Variants in INTS15 observed in about 807,000 individuals in gnomAD.
INTS15 encodes uncharacterized protein C7orf26.
the INTS15 span, among the ~76,000 whole-genome samples, chr7:6,590,928 T>A: frequency 1.7e-3 from 251 of 151,686 alleles, 2 homozygotes; most frequent in African/African-American, 5.8e-3. Flanking sequence ...AACCTTGAAC[T>A]CCTGGGCTCA....
At chr7:6,598,958 T>C in the INTS15 span, among the ~76,000 whole-genome samples, 1 of 151,986 alleles carries the variant, frequency 6.6e-6, no homozygotes, top group Non-Finnish European at 1.5e-5. Flanking sequence ...GGCTAACTTT[T>C]AAGAATTTTT....
At chr7:6,602,129 G>A in the INTS15 span, 1 of 1,613,098 alleles carries the variant, frequency 6.2e-7, no homozygotes, top group Admixed American at 1.7e-5. Context: ...GCTCCAGGCT[G>A]CCCCATAATA....
chr7:6,592,060 A>G, the INTS15 span, among the ~76,000 whole-genome samples: 1 of 152,080 alleles, frequency 6.6e-6, no homozygotes, highest in South Asian at 2.1e-4. Flanking sequence ...AACCCCAGCT[A>G]CTCAGGAGGC....
At chr7:6,608,689 T>G in the INTS15 span, 1 of 207,346 alleles carries the variant, frequency 4.8e-6, no homozygotes, top group African/African-American at 2.4e-5. Flanking sequence ...TGTCTAAATT[T>G]CCTTTCATAT....
the INTS15 span, among the ~76,000 whole-genome samples, chr7:6,598,735 T>TTGTGTGTGTG: frequency 0.04 from 3,322 of 83,512 alleles, 187 homozygotes; most frequent in African/African-American, 0.05. Flanking sequence ...GCTGTATGCT[T>TTGTGTGTGTG]TGTGTGTGTG....
chr7:6,590,984 G>C, the INTS15 span, among the ~76,000 whole-genome samples: 1 of 151,614 alleles, frequency 6.6e-6, no homozygotes, highest in Non-Finnish European at 1.5e-5. Context: ...GACTCCAGGC[G>C]TGCACCACCA....
the INTS15 span, among the ~76,000 whole-genome samples, chr7:6,600,681 G>A: frequency 6.6e-6 from 1 of 151,748 alleles, no homozygotes; most frequent in African/African-American, 2.4e-5. Flanking sequence ...TTATTGCGAC[G>A]GAGTCTCACG....
the INTS15 span, among the ~76,000 whole-genome samples, chr7:6,591,492 T>C: frequency 6.6e-6 from 1 of 151,848 alleles, no homozygotes; most frequent in Non-Finnish European, 1.5e-5. Context: ...TCTCGAACTC[T>C]TGACCTCGTG....
chr7:6,607,726 G>A, the INTS15 span: 1 of 1,510,878 alleles, frequency 6.6e-7, no homozygotes, highest in Admixed American at 2.1e-5. The surrounding 1 kb of genome is among the most constrained non-coding windows in gnomAD (Gnocchi z 6.0). Context: ...GAGTGCTACG[G>A]CCGGAGCTCC....
the INTS15 span, among the ~76,000 whole-genome samples, chr7:6,593,586 G>A: frequency 3.3e-5 from 5 of 151,426 alleles, no homozygotes; most frequent in East Asian, 1.9e-4. Flanking sequence ...CGCCTGCCTC[G>A]GCCTCCCAAA....
chr7:6,592,150 G>T, the INTS15 span, among the ~76,000 whole-genome samples: 4 of 147,540 alleles, frequency 2.7e-5, no homozygotes, highest in Admixed American at 6.7e-5. Flanking sequence ...CAGCCTGGGT[G>T]ACAGAGCAAG....
the INTS15 span, among the ~76,000 whole-genome samples, chr7:6,606,777 C>T: frequency 3.3e-5 from 5 of 151,152 alleles, no homozygotes; most frequent in African/African-American, 1.2e-4. Context: ...TGGCTCATGG[C>T]TCACTGCAGC....
At chr7:6,603,236 T>TG in the INTS15 span, among the ~76,000 whole-genome samples, 3 of 148,486 alleles carry the variant, frequency 2.0e-5, no homozygotes, top group South Asian at 6.4e-4. Context: ...GGCAACAGAG[T>TG]GAAACTCTGT....
At chr7:6,600,177 T>G in the INTS15 span, 6 of 1,614,154 alleles carry the variant, frequency 3.7e-6, no homozygotes, top group East Asian at 1.3e-4. Flanking sequence ...GAGAAGAATC[T>G]GTATGGGCGC....
chr7:6,604,412 A>G, the INTS15 span, among the ~76,000 whole-genome samples: 3 of 152,160 alleles, frequency 2.0e-5, no homozygotes, highest in East Asian at 1.9e-4. Context: ...TGGGGAGGAA[A>G]TGTTGATAGT....
the INTS15 span, among the ~76,000 whole-genome samples, chr7:6,600,604 G>A: frequency 1.3e-5 from 2 of 152,260 alleles, no homozygotes; most frequent in East Asian, 3.9e-4. Flanking sequence ...CTCCTTGAGA[G>A]CCTAGATAGC....
the INTS15 span, chr7:6,602,296 C>A: frequency 1.7e-6 from 1 of 596,176 alleles, no homozygotes; most frequent in Non-Finnish European, 2.9e-6. Flanking sequence ...GAATGGAACT[C>A]AAGTAGAAAG....
At chr7:6,590,993 C>G in the INTS15 span, among the ~76,000 whole-genome samples, 1 of 151,900 alleles carries the variant, frequency 6.6e-6, no homozygotes, top group East Asian at 1.9e-4. Context: ...CGTGCACCAC[C>G]ATGCCCAGCT....
At chr7:6,590,094 G>T in the INTS15 span, 1 of 372,774 alleles carries the variant, frequency 2.7e-6, no homozygotes, top group East Asian at 4.6e-5. Context: ...ACCTTCGGGC[G>T]CCTGCTGGCC....
Sources: gnomAD v4.1 joint callset for allele counts (sites outside exome capture counted in the v4.1 genomes callset) on GRCh38, gnomAD v4.1.1 for gene constraint, Gnocchi (gnomAD v3.1) non-coding constraint, MANE v1.5 for transcripts, NCBI Gene and HGNC (gene_info 2026-07-23, HGNC 2026-07-21) for gene names.